LYPLAL1: variants seen among roughly 807,000 people sequenced by gnomAD.
LYPLAL1 encodes the protein lysophospholipase-like protein 1.
Under a neutral mutation model 19.7 loss-of-function variants are expected in LYPLAL1, and 23 were observed. The observed-to-expected ratio is 1.17, with a 90% CI of 0.84 to 1.65. LYPLAL1 has a LOEUF of 1.65. Among genes scored for constraint, LYPLAL1 ranks in the 40% most tolerant of loss-of-function variants. The pLI, the probability that LYPLAL1 is intolerant of heterozygous loss-of-function variation, is 0.00. For missense variants in LYPLAL1, 355 were observed against 279.4 expected (o/e 1.27, Z -1.93); for synonymous variants, 119 against 96.3 (o/e 1.24, Z -1.38).
the LYPLAL1 span, among the ~76,000 whole-genome samples, chr1:219,428,694 G>A: frequency 6.6e-6 from 1 of 152,154 alleles, no homozygotes; most frequent in Non-Finnish European, 1.5e-5. Flanking sequence ...GAATTCAACA[G>A]CTTAATATTC....
intron 3 of LYPLAL1, 26 bp from the exon 4 acceptor site, chr1:219,210,506 A>ACTTTTT (rs3087015): frequency 0.99 from 1,279,821 of 1,289,370 alleles, 635,727 homozygotes; most frequent in South Asian, 1. Flanking sequence ...TATGTATTCT[A>ACTTTTT]CTTTTAAGTA....
chr1:219,403,783 T>C, the LYPLAL1 span, among the ~76,000 whole-genome samples: 5 of 152,198 alleles, frequency 3.3e-5, no homozygotes, highest in African/African-American at 1.2e-4. Context: ...AGATTTCTCA[T>C]CCATGCAGTG....
In LYPLAL1 at chr1:219,203,305, T is replaced by C. The variant is rs575285969; in HGVS notation, c.362-7227T>C. Among the ~76,000 whole-genome samples, 243 of 152,196 alleles carry C rather than the reference T, an allele frequency of 1.6e-3. 2 individuals carry two copies. Among genetic ancestry groups the C allele is most frequent in the Non-Finnish European group, 2.9e-3 (196 of 68,006 alleles). On this transcript the variant is annotated intron_variant, in intron 3 of 4. Transcript: ENST00000366928. The stretch of plus-strand genomic sequence containing the variant: ...CAGTTTTACAAACTTTTTTTTTTTT[T>C]TTACAGTATGTGATCTTCTACCTTT...
the LYPLAL1 span, among the ~76,000 whole-genome samples, chr1:219,275,389 G>A: frequency 6.6e-6 from 1 of 152,114 alleles, no homozygotes; most frequent in Non-Finnish European, 1.5e-5. Context: ...ATTTAATCTT[G>A]TATGGTGTAG....
At chr1:219,206,313 C>T (rs1241512393) in intron 3 of LYPLAL1, among the ~76,000 whole-genome samples, 5 of 151,956 alleles carry the variant, frequency 3.3e-5, no homozygotes, top group East Asian at 1.9e-4. Flanking sequence ...CGTAAATACC[C>T]GTTATAACCA....
the LYPLAL1 span, among the ~76,000 whole-genome samples, chr1:219,298,420 A>G: frequency 2.6e-5 from 4 of 152,218 alleles, no homozygotes; most frequent in African/African-American, 4.8e-5. Flanking sequence ...CACGACCACT[A>G]AAGGAGGCGC....
the LYPLAL1 span, among the ~76,000 whole-genome samples, chr1:219,322,258 C>T: frequency 6.6e-5 from 10 of 152,236 alleles, no homozygotes; most frequent in South Asian, 2.1e-4. Context: ...CACTCTAAAA[C>T]GCAACCTCTC....
the LYPLAL1 span, chr1:219,270,659 T>A: frequency 6.6e-6 from 1 of 152,202 alleles, no homozygotes; most frequent in South Asian, 2.1e-4. Flanking sequence ...AGCTCTTTCC[T>A]ATTGGCACAA....
downstream of LYPLAL1, among the ~76,000 whole-genome samples, chr1:219,215,458 G>A (rs954241900): frequency 6.6e-6 from 1 of 151,944 alleles, no homozygotes; most frequent in Admixed American, 6.6e-5. Context: ...CACGTGTCTT[G>A]TGCTTGGAGT....
At chr1:219,361,259 G>A in the LYPLAL1 span, among the ~76,000 whole-genome samples, 2 of 152,196 alleles carry the variant, frequency 1.3e-5, no homozygotes, top group African/African-American at 4.8e-5. Flanking sequence ...TTTACCGAAG[G>A]ACTGTAAAGA....
the LYPLAL1 span, among the ~76,000 whole-genome samples, chr1:219,414,455 C>T: frequency 1.3e-5 from 2 of 152,134 alleles, no homozygotes; most frequent in Non-Finnish European, 2.9e-5. Flanking sequence ...CCAGCTCTGC[C>T]ATTTCCTAGT....
At chr1:219,290,693 T>A in the LYPLAL1 span, among the ~76,000 whole-genome samples, 3 of 152,148 alleles carry the variant, frequency 2.0e-5, no homozygotes, top group Non-Finnish European at 4.4e-5. Context: ...CACTTTACTT[T>A]CTTAATAAAC....
the LYPLAL1 span, among the ~76,000 whole-genome samples, chr1:219,245,024 CTCTT>C: frequency 1.0e-3 from 149 of 149,268 alleles, no homozygotes; most frequent in African/African-American, 3.3e-3. Flanking sequence ...TCCTCCCTCC[CTCTT>C]TTTCTTTTTT....
chr1:219,387,346 G>T, the LYPLAL1 span, among the ~76,000 whole-genome samples: 1 of 152,106 alleles, frequency 6.6e-6, no homozygotes, highest in Admixed American at 6.6e-5. Flanking sequence ...ATAATTAAAA[G>T]GAAAGAAATT....
chr1:219,259,106 A>C, the LYPLAL1 span, among the ~76,000 whole-genome samples: 1 of 151,804 alleles, frequency 6.6e-6, no homozygotes, highest in Admixed American at 6.6e-5. Flanking sequence ...TTAAAAAATA[A>C]AAAAAAATAG....
At chr1:219,383,755 C>T in the LYPLAL1 span, among the ~76,000 whole-genome samples, 1 of 152,132 alleles carries the variant, frequency 6.6e-6, no homozygotes, top group African/African-American at 2.4e-5. Context: ...TTCCACTGAC[C>T]AAATCAGTGT....
the LYPLAL1 span, among the ~76,000 whole-genome samples, chr1:219,241,134 C>CTCTCTCTCTCTATATATATATATATATA: frequency 1.8e-4 from 8 of 44,370 alleles, no homozygotes; most frequent in Non-Finnish European, 2.6e-4. Flanking sequence ...CTCTCTCTCT[C>CTCTCTCTCTCTATATATATATATATATA]TATATATATA....
chr1:219,366,772 A>G, the LYPLAL1 span, among the ~76,000 whole-genome samples: 5 of 152,104 alleles, frequency 3.3e-5, no homozygotes, highest in Non-Finnish European at 5.9e-5. Flanking sequence ...TCGTGAATGA[A>G]AGAAAAGGAT....
At chr1:219,417,813 G>A in the LYPLAL1 span, among the ~76,000 whole-genome samples, 1 of 152,234 alleles carries the variant, frequency 6.6e-6, no homozygotes, top group Non-Finnish European at 1.5e-5. Context: ...AGCCTTCCAA[G>A]GCATGTCGGG....
Sources: gnomAD v4.1 joint callset for allele counts (sites outside exome capture counted in the v4.1 genomes callset) on GRCh38, gnomAD v4.1.1 for gene constraint, MANE v1.5 for transcripts, NCBI Gene and HGNC (gene_info 2026-07-23, HGNC 2026-07-21) for gene names.